Variants in MPP7 observed in about 807,000 individuals in gnomAD.
MPP7 encodes the protein MAGUK p55 scaffold protein 7, also known as MAGUK p55 subfamily member 7.
A neutral mutation model predicts 76.5 loss-of-function variants in MPP7; 60 were observed. That is an observed-to-expected ratio of 0.78 (90% CI 0.64 to 0.97). The LOEUF (loss-of-function observed/expected upper bound fraction) is 0.97. MPP7 is among the 50% of genes least tolerant of loss of function. The pLI is 0.00. For missense variants in MPP7, 641 were observed against 694.0 expected, an observed-to-expected ratio of 0.92 and a Z score of 0.86; for synonymous variants, 237 against 244.5, an observed-to-expected ratio of 0.97 and a Z score of 0.29.
At chr10:28,084,628 G>T (rs1445199807) in intron 12 of MPP7, among the ~76,000 whole-genome samples, 2 of 152,154 alleles carry the variant, frequency 1.3e-5, no homozygotes, top group Non-Finnish European at 2.9e-5. Context: ...TATTCTCCAA[G>T]ACTACCTCTA....
At chr10:28,124,263 C>T (rs1333457634) in intron 7 of MPP7, 147 bp from the exon 8 acceptor site, 2 of 623,824 alleles carry the variant, frequency 3.2e-6, no homozygotes, top group Non-Finnish European at 5.7e-6. Context: ...CAGGTTTCAG[C>T]CTCTATGCCT....
Position 28,238,712 on chromosome 10 carries a change from A to T in MPP7, c.-108T>A. ...GCCTGCAGCCACGTTGTCTACCAAGATCTGTATATTTTGTAAGCCGTTTCT... is the reference window on the plus strand; with the variant it reads ...GCCTGCAGCCACGTTGTCTACCAAGTTCTGTATATTTTGTAAGCCGTTTCT... On this transcript the variant is annotated 5_prime_UTR_variant, in exon 2 of 17. Transcript: ENST00000683449. 9.2e-7 allele frequency: 1 copy of T among 1,081,642 alleles called. No individual in the cohort carries two copies. Among genetic ancestry groups the T allele is most frequent in the South Asian group, 1.3e-5 (1 of 74,564 alleles). 67.0% of individuals were successfully genotyped at this position (1,081,642 alleles called of 1,614,324 possible).
At chr10:28,113,726 A>C (rs1027953019) in intron 11 of MPP7, among the ~76,000 whole-genome samples, 4 of 152,144 alleles carry the variant, frequency 2.6e-5, no homozygotes, top group African/African-American at 9.7e-5. Flanking sequence ...ATTAGAAAGA[A>C]AAAAAAATAC....
intron 2 of MPP7, among the ~76,000 whole-genome samples, chr10:28,206,957 T>C (rs1319402533): frequency 6.6e-6 from 1 of 152,192 alleles, no homozygotes; most frequent in African/African-American, 2.4e-5. Context: ...TGTCCTTTTT[T>C]AAAAAACAAT....
In MPP7 at chr10:28,182,799, C is replaced by T. The variant is rs1403247012; in HGVS notation, c.156+19354G>A. On this transcript the variant is annotated intron_variant, in intron 3 of 16. Coordinates refer to ENST00000683449, the MANE Select transcript of MPP7 (RefSeq NM_001318170.2). ...TGTTAAGCAAAAGAGCAAATTGAGC[C>T]GGGTGCAGTGGCTCACGCCTGTAAT... Among the ~76,000 whole-genome samples, 9 of 152,158 alleles carry T rather than the reference C, an allele frequency of 5.9e-5. No homozygotes were observed. In the East Asian group the frequency reaches 7.7e-4, roughly 13 times the overall value.
At chr10:28,138,955 T>G (rs562990211) in intron 5 of MPP7, among the ~76,000 whole-genome samples, 1 of 152,372 alleles carries the variant, frequency 6.6e-6, no homozygotes, top group South Asian at 2.1e-4. Flanking sequence ...AAGACCATCC[T>G]GTGTATCATG....
At chr10:28,087,492 T>C (rs1853074592) in intron 12 of MPP7, among the ~76,000 whole-genome samples, 1 of 151,908 alleles carries the variant, frequency 6.6e-6, no homozygotes, top group Non-Finnish European at 1.5e-5. Flanking sequence ...GCCTCCCAGG[T>C]TCAAGCAATT....
intron 2 of MPP7, 34 bp downstream of exon 2, chr10:28,238,534 T>G: frequency 6.2e-7 from 1 of 1,610,140 alleles, no homozygotes; most frequent in Non-Finnish European, 8.5e-7. Flanking sequence ...TAAGCAAAGA[T>G]GGAATGAGAA....
intron 15 of MPP7, chr10:28,057,872 T>C: frequency 1.6e-6 from 2 of 1,218,824 alleles, no homozygotes; most frequent in Non-Finnish European, 1.0e-6. Flanking sequence ...GAAAATGCTG[T>C]GGGCTGGGGA....
At chr10:28,083,712 A>G (rs575425168) in intron 12 of MPP7, among the ~76,000 whole-genome samples, 8 of 151,336 alleles carry the variant, frequency 5.3e-5, no homozygotes, top group African/African-American at 1.7e-4. Flanking sequence ...TAATTTTTGT[A>G]TTTTTAGTAG....
At chr10:28,102,465 G>C (rs1428507227) in intron 11 of MPP7, among the ~76,000 whole-genome samples, 1 of 152,172 alleles carries the variant, frequency 6.6e-6, no homozygotes, top group Non-Finnish European at 1.5e-5. Context: ...ACCACATAGT[G>C]TACTTTCACA....
chr10:28,209,309 A>T (rs763533717), intron 2 of MPP7, among the ~76,000 whole-genome samples: 1 of 152,034 alleles, frequency 6.6e-6, no homozygotes, highest in Non-Finnish European at 1.5e-5. Flanking sequence ...ACCAAAAAAA[A>T]ATTTTATGTT....
At chr10:28,306,281 T>C (rs1038981414), upstream of MPP7, among the ~76,000 whole-genome samples, 2 of 152,182 alleles carry the variant, frequency 1.3e-5, no homozygotes, top group African/African-American at 4.8e-5. Flanking sequence ...ATGTGATCTT[T>C]GAAATATTTG....
chr10:28,101,407 A>G (rs1853818550), intron 11 of MPP7, among the ~76,000 whole-genome samples: 1 of 152,188 alleles, frequency 6.6e-6, no homozygotes, highest in Non-Finnish European at 1.5e-5. Flanking sequence ...TGTTGCTTCA[A>G]CATAGGAGGA....
At chr10:28,302,737 G>A (rs1841193165) in intron 1 of MPP7, among the ~76,000 whole-genome samples, 124 bp downstream of exon 1, 1 of 152,200 alleles carries the variant, frequency 6.6e-6, no homozygotes, top group Non-Finnish European at 1.5e-5. Flanking sequence ...CCGGCAGGAG[G>A]CTCCGGAGGA....
At chr10:28,119,817 G>GA in intron 10 of MPP7, 102 bp from the exon 11 acceptor site, 1 of 901,212 alleles carries the variant, frequency 1.1e-6, no homozygotes, top group South Asian at 1.7e-5. Flanking sequence ...AAAGGTTAGA[G>GA]AAAAAAATGA....
intron 11 of MPP7, among the ~76,000 whole-genome samples, chr10:28,109,528 G>A (rs1423571385): frequency 1.3e-5 from 2 of 151,768 alleles, no homozygotes; most frequent in Non-Finnish European, 1.5e-5. Context: ...ATCTGGCAAC[G>A]TTTCCGGAAT....
intron 5 of MPP7, among the ~76,000 whole-genome samples, chr10:28,144,774 T>C (rs552626503): frequency 2.4e-4 from 36 of 152,322 alleles, no homozygotes; most frequent in African/African-American, 8.4e-4. Flanking sequence ...GCCATTCCTA[T>C]GTATCCCATA....
chr10:28,307,567 G>A (rs1841265950), upstream of MPP7: 1 of 152,190 alleles, frequency 6.6e-6, no homozygotes, highest in Non-Finnish European at 1.5e-5. Context: ...TCCGTATGAG[G>A]ACATCTGTCC....
Sources: gnomAD v4.1 joint callset for allele counts (sites outside exome capture counted in the v4.1 genomes callset) on GRCh38, gnomAD v4.1.1 for gene constraint, MANE v1.5 for transcripts, NCBI Gene and HGNC (gene_info 2026-07-23, HGNC 2026-07-21) for gene names.